The following ALCAM variants were observed in gnomAD, a reference collection of about 807,000 sequenced individuals.
ALCAM encodes activated leukocyte cell adhesion molecule, also known as CD166 antigen.
ALCAM carries 30 observed loss-of-function variants against 70.9 expected under a neutral mutation model. The ratio of observed to expected loss-of-function variants is 0.42; its 90% CI spans 0.32 to 0.57. ALCAM has a LOEUF of 0.57. Among genes scored for constraint, ALCAM ranks in the 20% least tolerant of loss-of-function variants. The pLI is 0.11. For missense variants in ALCAM, 591 were observed against 695.1 expected (o/e 0.85, Z 1.68); for synonymous variants, 249 against 242.5 (o/e 1.03, Z -0.25).
At chr3:105,519,213 C>T (rs1175027504) in intron 1 of ALCAM, among the ~76,000 whole-genome samples, 1 of 152,000 alleles carries the variant, frequency 6.6e-6, no homozygotes, top group African/African-American at 2.4e-5. Context: ...ATTTAAATGC[C>T]TGGGTTTTTT....
rs201931650 is a variant in ALCAM at position 105,547,166 on chromosome 3, A to G, written c.1122A>G (p.Arg374=). 6.3e-7 allele frequency: 1 copy of G among 1,597,636 alleles called. No homozygotes were observed. The highest frequency in any genetic ancestry group is 1.4e-5 in the African/African-American group (1 of 73,776). Residue 374 remains arginine (R), a synonymous_variant, in exon 10 of 16, where the codon CGA becomes CGG. Transcript: ENST00000306107. ...VVWMKDNIRL[R]SSPSFSSLHY... ...TTAATCAGGATAACATCAGGCTTCG[A>G]TCTAGCCCGTCATTTTCTAGTCTTC...
At chr3:105,486,956 A>ATATT (rs1559807814) in intron 1 of ALCAM, among the ~76,000 whole-genome samples, 10 of 62,500 alleles carry the variant, frequency 1.6e-4, no homozygotes, top group African/African-American at 6.0e-4. Flanking sequence ...AGAGCATAAG[A>ATATT]CATTTATTTA....
At chr3:105,440,098 C>T (rs1041601602) in intron 1 of ALCAM, among the ~76,000 whole-genome samples, 16 of 152,164 alleles carry the variant, frequency 1.1e-4, no homozygotes, top group Non-Finnish European at 1.5e-4. Context: ...AGGAACTCTA[C>T]TAATCAATGA....
chr3:105,509,737 A>T (rs1168152345), intron 1 of ALCAM, among the ~76,000 whole-genome samples: 1 of 151,920 alleles, frequency 6.6e-6, no homozygotes, highest in African/African-American at 2.4e-5. Context: ...ATATAGTCTT[A>T]CCTGCGTATT....
chr3:105,511,576 C>T (rs1399194196), intron 1 of ALCAM, among the ~76,000 whole-genome samples: 2 of 151,978 alleles, frequency 1.3e-5, no homozygotes, highest in African/African-American at 4.8e-5. Flanking sequence ...CAATTAAAAG[C>T]ATGGAATTTA....
At chr3:105,456,690 G>T (rs1471310817) in intron 1 of ALCAM, among the ~76,000 whole-genome samples, 2 of 151,986 alleles carry the variant, frequency 1.3e-5, no homozygotes. Flanking sequence ...GATGTTTTTG[G>T]CTATGTTATA....
intron 1 of ALCAM, among the ~76,000 whole-genome samples, chr3:105,503,804 C>T (rs552173405): frequency 6.6e-6 from 1 of 152,294 alleles, no homozygotes; most frequent in African/African-American, 2.4e-5. Context: ...ACTGGCTGAA[C>T]ATGATTATAC....
Position 105,552,557 on chromosome 3 carries a change from G to A in ALCAM, c.1636G>A (p.Val546Ile), listed in dbSNP as rs142584625. The A allele has an allele frequency of 6.7e-5, 108 of 1,611,498 alleles. No individual in the cohort carries two copies. The African/African-American group carries it at 1.0e-3, about 15-fold the overall frequency. ...LLLAALVAGV[V>I]YWLYMKKSKT... Reference sequence around the variant, plus strand: ...CCTTGCTGCCCTTGTTGCTGGTGTCGTCTACTGGCTGTACATGAAGAAGTC... The same window carrying A: ...CCTTGCTGCCCTTGTTGCTGGTGTCATCTACTGGCTGTACATGAAGAAGTC... Residue 546 changes from valine (V) to isoleucine (I), a missense_variant, in exon 14 of 16, where the codon GTC (valine) becomes ATC (isoleucine). Physicochemically the swap from Val to Ile is conservative, Grantham distance 29. Around this residue, in one of 2 missense-constraint regions of ALCAM, gnomAD observed 164 missense variants for 244.7 expected, o/e 0.67. Transcript: ENST00000306107.
intron 1 of ALCAM, among the ~76,000 whole-genome samples, chr3:105,382,551 C>T (rs1385378558): frequency 2.0e-5 from 3 of 152,022 alleles, no homozygotes; most frequent in African/African-American, 7.2e-5. Flanking sequence ...TTTACAGTCC[C>T]ACCAACAGTG....
At chr3:105,394,341 A>G (rs1360645143) in intron 1 of ALCAM, among the ~76,000 whole-genome samples, 1 of 151,970 alleles carries the variant, frequency 6.6e-6, no homozygotes, top group African/African-American at 2.4e-5. Context: ...GCGAGGGATG[A>G]GGGAAGCATA....
intron 1 of ALCAM, among the ~76,000 whole-genome samples, chr3:105,411,094 A>T (rs1472538119): frequency 7.2e-5 from 11 of 152,060 alleles, no homozygotes; most frequent in Non-Finnish European, 1.0e-4. Context: ...AAAAACATTA[A>T]TGCAGCTCTT....
intron 1 of ALCAM, among the ~76,000 whole-genome samples, chr3:105,376,777 A>G (rs1935389758): frequency 6.6e-6 from 1 of 152,198 alleles, no homozygotes; most frequent in Admixed American, 6.5e-5. Flanking sequence ...CGTGCTGAGG[A>G]ATAATCTAGC....
chr3:105,439,807 G>A (rs554592724), intron 1 of ALCAM, among the ~76,000 whole-genome samples: 27 of 152,254 alleles, frequency 1.8e-4, no homozygotes, highest in Admixed American at 1.4e-3. Context: ...CCAGGCTGAA[G>A]GTCAGGGCAA....
intron 1 of ALCAM, among the ~76,000 whole-genome samples, chr3:105,479,756 T>A (rs1230197753): frequency 2.6e-5 from 4 of 152,186 alleles, no homozygotes; most frequent in Non-Finnish European, 5.9e-5. Flanking sequence ...CATGATTTTT[T>A]GGAAAATTAG....
At chr3:105,402,175 A>T (rs1274660429) in intron 1 of ALCAM, among the ~76,000 whole-genome samples, 1 of 152,222 alleles carries the variant, frequency 6.6e-6, no homozygotes, top group Non-Finnish European at 1.5e-5. Flanking sequence ...ATTTATACTC[A>T]ATGGAAATAT....
chr3:105,533,621 G>C lies in ALCAM; in HGVS notation c.478G>C (p.Glu160Gln). 6.2e-7 allele frequency: 1 copy of C among 1,611,780 alleles called. No homozygotes were observed. The highest frequency in any genetic ancestry group is 2.2e-5 in the East Asian group (1 of 44,804). ...QLKKLGDCIS[E>Q]DSYPDGNITW... ...TTTGCAGTTGGGTGACTGCATTTCA[G>C]AAGACAGTTATCCAGATGGCAATAT... The change falls in exon 5 of 16, where the codon GAA becomes CAA. Residue 160 changes from glutamate (E) to glutamine (Q), a missense_variant. By Grantham distance (29) the Glu-to-Gln change is conservative. This residue lies in a region of ALCAM where 427 missense variants were observed against 450.4 expected (regional missense o/e 0.95). Coordinates refer to ENST00000306107, the MANE Select transcript of ALCAM (RefSeq NM_001627.4).
At chr3:105,490,278 T>C (rs1482663702) in intron 1 of ALCAM, among the ~76,000 whole-genome samples, 1 of 152,216 alleles carries the variant, frequency 6.6e-6, no homozygotes, top group East Asian at 1.9e-4. Flanking sequence ...AAGCATTCAG[T>C]TGATGCCTTG....
At chr3:105,422,310 A>C (rs1936688854) in intron 1 of ALCAM, among the ~76,000 whole-genome samples, 1 of 151,440 alleles carries the variant, frequency 6.6e-6, no homozygotes, top group Admixed American at 6.6e-5. Context: ...ATACCTGTGC[A>C]CATGTCTTTT....
intron 1 of ALCAM, among the ~76,000 whole-genome samples, chr3:105,505,539 A>C (rs1939050018): frequency 6.6e-6 from 1 of 152,246 alleles, no homozygotes; most frequent in Non-Finnish European, 1.5e-5. Context: ...AATCCAAATC[A>C]TATCATATGC....
Sources: allele counts gnomAD v4.1 joint callset (sites outside exome capture counted in the v4.1 genomes callset), GRCh38; gene constraint gnomAD v4.1.1; regional missense constraint gnomAD v4.1.1; transcripts MANE v1.5; gene names NCBI Gene and HGNC (gene_info 2026-07-23, HGNC 2026-07-21).